Variants in GABBR2 observed in about 807,000 individuals in gnomAD.
GABBR2 encodes the protein gamma-aminobutyric acid type B receptor subunit 2, also known as G-protein coupled receptor 51.
A neutral mutation model predicts 105.6 loss-of-function variants in GABBR2; 23 were observed. The ratio of observed to expected loss-of-function variants is 0.22; its 90% confidence interval spans 0.16 to 0.31. The LOEUF is 0.31. GABBR2 is among the 10% of genes least tolerant of loss of function. GABBR2 has a pLI of 1.00. For missense variants in GABBR2, 734 were observed against 1,245.5 expected, an observed-to-expected ratio of 0.59 and a Z score of 6.18; for synonymous variants, 478 against 499.7, an observed-to-expected ratio of 0.96 and a Z score of 0.58.
At chr9:98,611,092 C>G (rs985255009) in intron 1 of GABBR2, among the ~76,000 whole-genome samples, 2 of 152,190 alleles carry the variant, frequency 1.3e-5, no homozygotes, top group African/African-American at 2.4e-5. Flanking sequence ...GGAGGTCATT[C>G]CTCCCCGCTG....
chr9:98,562,927 G>A (rs538411338), intron 2 of GABBR2, among the ~76,000 whole-genome samples: 5 of 151,794 alleles, frequency 3.3e-5, no homozygotes, highest in South Asian at 4.2e-4. Context: ...AAAATTAGCC[G>A]GGTATGGTGG....
intron 1 of GABBR2, among the ~76,000 whole-genome samples, chr9:98,687,558 T>C (rs528163697): frequency 6.6e-6 from 1 of 152,164 alleles, no homozygotes; most frequent in African/African-American, 2.4e-5. Context: ...AAGGAGAGAC[T>C]CTGTTGAGGC....
At chr9:98,498,925 G>A (rs1040340923) in intron 3 of GABBR2, among the ~76,000 whole-genome samples, 2 of 152,238 alleles carry the variant, frequency 1.3e-5, no homozygotes, top group Non-Finnish European at 2.9e-5. Flanking sequence ...CTCCTGGGAG[G>A]AGCTCAATGC....
intron 13 of GABBR2, 54 bp downstream of exon 13, chr9:98,362,661 A>G: frequency 1.4e-6 from 2 of 1,420,978 alleles, no homozygotes; most frequent in South Asian, 1.8e-5. Context: ...CACTGTCCTC[A>G]TGTGCCAGGG....
chr9:98,627,051 A>G (rs762473468), intron 1 of GABBR2, among the ~76,000 whole-genome samples: 20 of 152,262 alleles, frequency 1.3e-4, no homozygotes, highest in Middle Eastern at 3.4e-3. Flanking sequence ...CCTGTGTTTC[A>G]TGGTCTCTGA....
intron 8 of GABBR2, among the ~76,000 whole-genome samples, chr9:98,402,012 C>A (rs1832403080): frequency 6.6e-6 from 1 of 152,160 alleles, no homozygotes; most frequent in African/African-American, 2.4e-5. Context: ...TCACTAGGTA[C>A]GTTCTGAATG....
At chr9:98,464,276 C>G (rs1430925355) in intron 6 of GABBR2, among the ~76,000 whole-genome samples, 3 of 151,562 alleles carry the variant, frequency 2.0e-5, no homozygotes, top group Non-Finnish European at 4.4e-5. Context: ...AGCGCCTCTT[C>G]CCGGCCGCCC....
chr9:98,665,206 C>T (rs941820389), intron 1 of GABBR2, among the ~76,000 whole-genome samples: 1 of 152,148 alleles, frequency 6.6e-6, no homozygotes, highest in African/African-American at 2.4e-5. Flanking sequence ...GAGGTCCAGG[C>T]TGCAGTGAAC....
intron 1 of GABBR2, among the ~76,000 whole-genome samples, chr9:98,649,737 G>GGATTAAT (rs1830079410): frequency 6.6e-6 from 1 of 152,062 alleles, no homozygotes; most frequent in Non-Finnish European, 1.5e-5. Flanking sequence ...ATGAATGGTA[G>GGATTAAT]GATTAATGAT....
chr9:98,627,798 C>A (rs1829761241), intron 1 of GABBR2, among the ~76,000 whole-genome samples: 1 of 152,172 alleles, frequency 6.6e-6, no homozygotes, highest in African/African-American at 2.4e-5. Flanking sequence ...TGGAAGGGGC[C>A]CCAGAGGCCA....
chr9:98,366,688 C>T (rs1245799947), intron 12 of GABBR2, among the ~76,000 whole-genome samples: 1 of 152,178 alleles, frequency 6.6e-6, no homozygotes, highest in Non-Finnish European at 1.5e-5. Context: ...GGATGGTGCC[C>T]CTGGGGCTGA....
At chr9:98,487,304 T>C (rs1056122102) in intron 4 of GABBR2, among the ~76,000 whole-genome samples, 5 of 152,258 alleles carry the variant, frequency 3.3e-5, no homozygotes, top group African/African-American at 1.2e-4. Flanking sequence ...GGAGTGGCAG[T>C]TCTCATCAGG....
intron 2 of GABBR2, among the ~76,000 whole-genome samples, chr9:98,576,661 G>C (rs1381787676): frequency 2.0e-5 from 3 of 152,196 alleles, no homozygotes; most frequent in South Asian, 4.1e-4. Flanking sequence ...CTAAAGCATA[G>C]AGTGGATTTA....
At chr9:98,661,856 C>T (rs1003379537) in intron 1 of GABBR2, among the ~76,000 whole-genome samples, 4 of 152,136 alleles carry the variant, frequency 2.6e-5, no homozygotes, top group Non-Finnish European at 2.9e-5. Context: ...GGTTAGGCCC[C>T]GTCCCTCAGA....
intron 1 of GABBR2, among the ~76,000 whole-genome samples, chr9:98,706,370 C>G (rs994332533): frequency 6.6e-5 from 10 of 152,322 alleles, no homozygotes; most frequent in Middle Eastern, 6.8e-3. Context: ...CCAGGCCCCA[C>G]CTACCCCAAA....
chr9:98,372,202 G>A (rs1374336603), intron 11 of GABBR2, among the ~76,000 whole-genome samples: 1 of 152,308 alleles, frequency 6.6e-6, no homozygotes, highest in Admixed American at 6.5e-5. Context: ...ATCCCTGAAG[G>A]CTGGAACAGG....
At chr9:98,498,576 G>A (rs1272158072) in intron 3 of GABBR2, among the ~76,000 whole-genome samples, 1 of 152,208 alleles carries the variant, frequency 6.6e-6, no homozygotes, top group African/African-American at 2.4e-5. Flanking sequence ...GAAATATGAA[G>A]CAAATGGAGC....
chr9:98,306,624 C>T lies in GABBR2; in HGVS notation c.2005-279G>A. 1 of 485,978 alleles carries T rather than the reference C, an allele frequency of 2.1e-6. No homozygotes were observed. The highest frequency in any genetic ancestry group is 3.8e-6 in the Non-Finnish European group (1 of 266,398). 30.1% of individuals were successfully genotyped at this position (485,978 alleles called of 1,614,324 possible). ...TCATGCACAGACCTGCCCAAGGCTACAGTGGAAGGGAACTTCAGATAAGAT... is the reference window on the plus strand; with the variant it reads ...TCATGCACAGACCTGCCCAAGGCTATAGTGGAAGGGAACTTCAGATAAGAT... On this transcript the variant is annotated intron_variant, in intron 14 of 18. Transcript: ENST00000259455. This position sits in a 1 kb window ranked among gnomAD's most constrained non-coding sequence, Gnocchi z 5.4.
chr9:98,598,450 G>C (rs1158200701), intron 1 of GABBR2, among the ~76,000 whole-genome samples: 1 of 152,070 alleles, frequency 6.6e-6, no homozygotes, highest in Non-Finnish European at 1.5e-5. Flanking sequence ...AGAAAACAAA[G>C]GAATTTTGCT....
Sources: allele counts gnomAD v4.1 joint callset (sites outside exome capture counted in the v4.1 genomes callset), GRCh38; gene constraint gnomAD v4.1.1; non-coding constraint Gnocchi (gnomAD v3.1); transcripts MANE v1.5; gene names NCBI Gene and HGNC (gene_info 2026-07-23, HGNC 2026-07-21).